The following AGBL4 variants were observed in gnomAD, a reference collection of about 807,000 sequenced individuals.
AGBL4 encodes cytosolic carboxypeptidase 6.
In AGBL4, 58 loss-of-function variants were observed where a neutral mutation model predicts 66.4. That is an observed-to-expected ratio of 0.87 (90% CI 0.71 to 1.09). AGBL4 has a LOEUF of 1.09. Among genes scored for constraint, AGBL4 ranks in the 50% least tolerant of loss-of-function variants. The pLI, the probability that AGBL4 is intolerant of heterozygous loss-of-function variation, is 0.00. For missense variants in AGBL4, 579 were observed against 631.0 expected, an observed-to-expected ratio of 0.92 and a Z score of 0.88; for synonymous variants, 234 against 222.9, an observed-to-expected ratio of 1.05 and a Z score of -0.44.
At chr1:48,761,162 G>T in intron 6 of AGBL4, 1 of 679,324 alleles carries the variant, frequency 1.5e-6, no homozygotes, top group Non-Finnish European at 2.4e-6. Flanking sequence ...TAGAAAGTTG[G>T]CCAGCAAGGC....
intron 1 of AGBL4, among the ~76,000 whole-genome samples, chr1:49,927,902 TAAAAG>T (rs1232202780): frequency 6.6e-6 from 1 of 152,130 alleles, no homozygotes; most frequent in African/African-American, 2.4e-5. Context: ...GACCCAGAAT[TAAAAG>T]AAATGATAAA....
At chr1:49,130,544 A>T (rs1286029915) in intron 4 of AGBL4, among the ~76,000 whole-genome samples, 10 of 152,148 alleles carry the variant, frequency 6.6e-5, no homozygotes, top group East Asian at 5.8e-4. Flanking sequence ...CTAGCCAGTT[A>T]TCCCAGCACC....
chr1:48,949,103 C>T (rs985541846), intron 5 of AGBL4, among the ~76,000 whole-genome samples: 1 of 152,148 alleles, frequency 6.6e-6, no homozygotes, highest in Non-Finnish European at 1.5e-5. Context: ...CCCTTGCCCA[C>T]TTCAAGTATC....
chr1:48,599,091 C>T (rs1290648065), intron 9 of AGBL4, among the ~76,000 whole-genome samples: 1 of 152,110 alleles, frequency 6.6e-6, no homozygotes, highest in Non-Finnish European at 1.5e-5. Flanking sequence ...CTGTCTTCCA[C>T]CTCCACATCT....
intron 9 of AGBL4, 84 bp from the exon 10 acceptor site, chr1:48,591,069 ACC>A: frequency 9.8e-7 from 1 of 1,018,752 alleles, no homozygotes; most frequent in Non-Finnish European, 1.3e-6. Context: ...ACACACACAC[ACC>A]CCCCACACAC....
At chr1:49,214,849 T>A (rs1466345969) in intron 4 of AGBL4, among the ~76,000 whole-genome samples, 1 of 152,158 alleles carries the variant, frequency 6.6e-6, no homozygotes, top group African/African-American at 2.4e-5. Context: ...GTATCAAGTA[T>A]ATTTGTTGCT....
intron 3 of AGBL4, among the ~76,000 whole-genome samples, chr1:49,364,615 C>A (rs1282988024): frequency 1.3e-5 from 2 of 152,044 alleles, no homozygotes; most frequent in African/African-American, 4.8e-5. Context: ...GTAGCTGGGC[C>A]TACAGACGTG....
intron 2 of AGBL4, among the ~76,000 whole-genome samples, chr1:49,709,022 G>A (rs1647425839): frequency 6.6e-6 from 1 of 152,176 alleles, no homozygotes; most frequent in Admixed American, 6.5e-5. Flanking sequence ...TCTCATGCAG[G>A]AGGCACGGTG....
At chr1:49,395,831 GTATA>G (rs1168054468) in intron 3 of AGBL4, among the ~76,000 whole-genome samples, 14 of 79,002 alleles carry the variant, frequency 1.8e-4, no homozygotes, top group African/African-American at 5.3e-4. Flanking sequence ...ATATATATGT[GTATA>G]TATATATATA....
rs373397665 is a variant in AGBL4, at chr1:49,536,924, T to C, written c.282+160389A>G. The stretch of plus-strand genomic sequence containing the variant: ...CGGGAGGCTGAGGCAGGAGAATCAC[T>C]TAAACCCGGGAGCTGGAAGTTGCAG... On this transcript the variant is annotated intron_variant, in intron 3 of 13. Transcript: ENST00000371839. 3.6e-4 allele frequency among the ~76,000 whole-genome samples: 54 copies of C among 152,020 alleles called. 1 individual carries two copies. In the South Asian group the frequency reaches 9.6e-3, roughly 27 times the overall value.
intron 2 of AGBL4, among the ~76,000 whole-genome samples, chr1:49,750,069 G>T (rs764959247): frequency 6.6e-6 from 1 of 152,044 alleles, no homozygotes; most frequent in Non-Finnish European, 1.5e-5. Flanking sequence ...AATAAGTAAT[G>T]CTCAAAATAA....
At chr1:49,391,584 C>T (rs1393571508) in intron 3 of AGBL4, among the ~76,000 whole-genome samples, 31 of 122,914 alleles carry the variant, frequency 2.5e-4, no homozygotes, top group African/African-American at 9.5e-4. Context: ...TTTTTGGAGA[C>T]GGAGTCTCGC....
chr1:50,004,524 G>A (rs951354008), intron 1 of AGBL4, among the ~76,000 whole-genome samples: 16 of 152,142 alleles, frequency 1.1e-4, no homozygotes, highest in Non-Finnish European at 2.2e-4. Flanking sequence ...TTCCTCCAGA[G>A]GAGAGGAGAA....
At chr1:49,967,519 G>C (rs973657088) in intron 1 of AGBL4, among the ~76,000 whole-genome samples, 4 of 152,020 alleles carry the variant, frequency 2.6e-5, no homozygotes, top group African/African-American at 7.2e-5. Context: ...GTCAGGAGGT[G>C]GGGGGCTAGG....
intron 2 of AGBL4, among the ~76,000 whole-genome samples, chr1:49,827,634 A>T (rs1304491760): frequency 1.3e-5 from 2 of 152,202 alleles, no homozygotes; most frequent in South Asian, 2.1e-4. Context: ...TTTGTTGTAC[A>T]TTGCTACCAA....
chr1:48,985,316 G>C (rs1178493328), intron 5 of AGBL4, among the ~76,000 whole-genome samples: 1 of 152,086 alleles, frequency 6.6e-6, no homozygotes, highest in Non-Finnish European at 1.5e-5. Context: ...AAATTTGCAG[G>C]TCAGAGAACT....
At chr1:49,267,612 G>T (rs1363153711) in intron 3 of AGBL4, among the ~76,000 whole-genome samples, 1 of 152,006 alleles carries the variant, frequency 6.6e-6, no homozygotes, top group Non-Finnish European at 1.5e-5. Flanking sequence ...CCCGGGAGGT[G>T]GAGGTTGCAG....
At chr1:49,307,319 GAAAACAAAAACA>G (rs960350928) in intron 3 of AGBL4, among the ~76,000 whole-genome samples, 5 of 151,990 alleles carry the variant, frequency 3.3e-5, no homozygotes, top group Admixed American at 2.6e-4. Context: ...CTCATGAGAT[GAAAACAAAAACA>G]AAAACAAAAA....
At chr1:49,285,433 T>C (rs1444017722) in intron 3 of AGBL4, among the ~76,000 whole-genome samples, 1 of 151,802 alleles carries the variant, frequency 6.6e-6, no homozygotes, top group African/African-American at 2.4e-5. Flanking sequence ...GATCCAAAAT[T>C]GACACCCTAA....
Sources: gnomAD v4.1 joint callset for allele counts (sites outside exome capture counted in the v4.1 genomes callset) on GRCh38, gnomAD v4.1.1 for gene constraint, MANE v1.5 for transcripts, NCBI Gene and HGNC (gene_info 2026-07-23, HGNC 2026-07-21) for gene names.